Variants in LTBP1 observed in about 807,000 individuals in gnomAD.
LTBP1 encodes latent-transforming growth factor beta-binding protein 1.
LTBP1 carries 129 observed loss-of-function variants against 207.6 expected under a neutral mutation model. The ratio of observed to expected loss-of-function variants is 0.62; its 90% CI spans 0.54 to 0.72. The LOEUF (loss-of-function observed/expected upper bound fraction) is 0.72, where lower values mean the gene tolerates loss of function less well. LTBP1 is among the 30% of genes least tolerant of loss of function. The pLI, the probability that LTBP1 is intolerant of heterozygous loss-of-function variation, is 0.00. For synonymous variants in LTBP1, 963 were observed against 833.7 expected, an observed-to-expected ratio of 1.16 and a Z score of -2.67; for missense variants, 2,281 against 2,217.2, an observed-to-expected ratio of 1.03 and a Z score of -0.58.
At chr2:33,189,336 T>C (rs2087580395) in intron 7 of LTBP1, among the ~76,000 whole-genome samples, 1 of 152,172 alleles carries the variant, frequency 6.6e-6, no homozygotes. Flanking sequence ...GCTGGGATTA[T>C]AGGCACGTGC....
chr2:33,116,768 A>G (rs2080769573), intron 4 of LTBP1, among the ~76,000 whole-genome samples: 1 of 151,722 alleles, frequency 6.6e-6, no homozygotes, highest in South Asian at 2.1e-4. Context: ...TTCCAAACAC[A>G]CAGTACCATT....
chr2:33,138,417 TC>T (rs1379279330), intron 5 of LTBP1, among the ~76,000 whole-genome samples: 1 of 152,104 alleles, frequency 6.6e-6, no homozygotes, highest in Non-Finnish European at 1.5e-5. Context: ...AAATGGTACT[TC>T]CTATGAAGCA....
intron 3 of LTBP1, among the ~76,000 whole-genome samples, chr2:33,089,531 C>T (rs1026213188): frequency 4.6e-5 from 7 of 152,166 alleles, no homozygotes; most frequent in African/African-American, 1.7e-4. Flanking sequence ...AGATAGCCCC[C>T]TACAACAGAG....
At chr2:32,968,358 T>G (rs201009259) in intron 2 of LTBP1, among the ~76,000 whole-genome samples, 5 of 152,234 alleles carry the variant, frequency 3.3e-5, no homozygotes, top group African/African-American at 1.2e-4. Flanking sequence ...ATTGACACTT[T>G]TATTATATGT....
At chr2:33,191,802 T>C (rs1053401331) in intron 7 of LTBP1, among the ~76,000 whole-genome samples, 2 of 152,208 alleles carry the variant, frequency 1.3e-5, no homozygotes, top group African/African-American at 4.8e-5. Context: ...GTGTCAAACA[T>C]TGAGACTTTC....
rs555961765 is a variant in LTBP1, at chr2:33,260,368, A to G, written c.2418+758A>G. On this transcript the variant is annotated intron_variant, in intron 13 of 33. Transcript: ENST00000404816. Reference sequence around the variant, plus strand: ...TTTGAAATGGGATCTCAATGCATGTAACAGGCTTTAATTTTCTTTTTATCT... The same window carrying G: ...TTTGAAATGGGATCTCAATGCATGTGACAGGCTTTAATTTTCTTTTTATCT... Among the ~76,000 whole-genome samples, 21 of 152,336 alleles carry G rather than the reference A, an allele frequency of 1.4e-4. No individual in the cohort carries two copies. In the South Asian group the frequency reaches 4.1e-3, roughly 30 times the overall value.
chr2:33,009,972 G>A (rs185107547), intron 2 of LTBP1, among the ~76,000 whole-genome samples: 1 of 152,284 alleles, frequency 6.6e-6, no homozygotes, highest in East Asian at 1.9e-4. Context: ...TCAGGAGAAG[G>A]GTCCAAGGAT....
intron 16 of LTBP1, among the ~76,000 whole-genome samples, 158 bp downstream of exon 16, chr2:33,273,939 C>G (rs2093371961): frequency 6.6e-6 from 1 of 152,088 alleles, no homozygotes; most frequent in Non-Finnish European, 1.5e-5. Context: ...AAAAGGTTTG[C>G]TAAACAACTG....
chr2:33,219,308 A>G (rs1177397094), intron 8 of LTBP1, among the ~76,000 whole-genome samples: 1 of 152,204 alleles, frequency 6.6e-6, no homozygotes, highest in Non-Finnish European at 1.5e-5. Flanking sequence ...GCAAATTTCC[A>G]GGAAGTAGGT....
intron 3 of LTBP1, among the ~76,000 whole-genome samples, chr2:33,089,169 A>AG (rs1346039353): frequency 2.6e-5 from 4 of 151,328 alleles, no homozygotes; most frequent in African/African-American, 9.7e-5. Flanking sequence ...AAAAAAAAAA[A>AG]AAAGAAAAAA....
At chr2:32,955,792 GTTTCCTGC>G (rs1572806405) in intron 2 of LTBP1, among the ~76,000 whole-genome samples, 1 of 152,112 alleles carries the variant, frequency 6.6e-6, no homozygotes, top group East Asian at 1.9e-4. Flanking sequence ...TTTACTAATG[GTTTCCTGC>G]TTTCTTAGTG....
chr2:33,165,043 G>A (rs6719051), intron 5 of LTBP1, among the ~76,000 whole-genome samples: 130,047 of 152,200 alleles, frequency 0.85, 55,709 homozygotes, highest in East Asian at 1. Context: ...TGGCATGTGC[G>A]TTAGTATACA....
intron 2 of LTBP1, among the ~76,000 whole-genome samples, chr2:32,954,414 C>G (rs975848174): frequency 1.3e-5 from 2 of 152,128 alleles, no homozygotes; most frequent in East Asian, 3.9e-4. Context: ...TTCTAGGCCT[C>G]TCTCCTTGGC....
chr2:33,054,659 C>G (rs925597645), intron 3 of LTBP1, among the ~76,000 whole-genome samples: 10 of 152,144 alleles, frequency 6.6e-5, no homozygotes, highest in African/African-American at 2.4e-4. Context: ...CCCAGGATTC[C>G]TTGGGTGGTA....
intron 9 of LTBP1, among the ~76,000 whole-genome samples, chr2:33,235,345 A>C (rs757085083): frequency 1.3e-5 from 2 of 152,222 alleles, no homozygotes; most frequent in African/African-American, 4.8e-5. Flanking sequence ...CAAAACCACA[A>C]TGAGATACCA....
intron 15 of LTBP1, among the ~76,000 whole-genome samples, chr2:33,266,688 C>T (rs1027319381): frequency 4.6e-5 from 7 of 152,234 alleles, no homozygotes; most frequent in African/African-American, 1.2e-4. Flanking sequence ...CTACCCACTT[C>T]GGGTCTCCTC....
chr2:33,055,645 A>G (rs562116232), intron 3 of LTBP1, among the ~76,000 whole-genome samples: 1 of 152,340 alleles, frequency 6.6e-6, no homozygotes, highest in East Asian at 1.9e-4. Flanking sequence ...TTGATCTAAC[A>G]GTAGCATGAC....
At chr2:33,198,552 G>A (rs544805254) in intron 7 of LTBP1, among the ~76,000 whole-genome samples, 162 of 152,232 alleles carry the variant, frequency 1.1e-3, no homozygotes, top group Non-Finnish European at 1.8e-3. Flanking sequence ...TTGGTAAGCT[G>A]GTGATTATTG....
intron 5 of LTBP1, among the ~76,000 whole-genome samples, chr2:33,140,678 T>A (rs2082578440): frequency 1.3e-5 from 2 of 150,878 alleles, no homozygotes; most frequent in South Asian, 4.2e-4. Context: ...AATTTTTTTT[T>A]TTTTTTGAGA....
Sources: gnomAD v4.1 joint callset for allele counts (sites outside exome capture counted in the v4.1 genomes callset) on GRCh38, gnomAD v4.1.1 for gene constraint, MANE v1.5 for transcripts, NCBI Gene and HGNC (gene_info 2026-07-23, HGNC 2026-07-21) for gene names.